The following GPATCH1 variants were observed in gnomAD, a reference collection of about 807,000 sequenced individuals.
GPATCH1 encodes the protein G-patch domain containing 1.
A neutral mutation model predicts 114.9 loss-of-function variants in GPATCH1; 73 were observed. That is an observed-to-expected ratio of 0.64 (90% CI 0.53 to 0.77). GPATCH1 has a LOEUF of 0.77. Ranked by LOEUF, GPATCH1 falls within the 30% of genes least tolerant of loss-of-function variation. The pLI is 0.00. For synonymous variants in GPATCH1, 391 were observed against 428.4 expected (o/e 0.91, Z 1.08); for missense variants, 1,058 against 1,144.3 (o/e 0.92, Z 1.09).
At chr19:33,106,999 T>G in intron 10 of GPATCH1, 100 bp downstream of exon 10, 2 of 846,710 alleles carry the variant, frequency 2.4e-6, no homozygotes, top group Admixed American at 2.2e-5. Flanking sequence ...TTTACATGAA[T>G]TTGTATTCCC....
At chr19:33,118,172 T>C (rs767826545) in intron 16 of GPATCH1, 131 bp downstream of exon 16, 1 of 460,378 alleles carries the variant, frequency 2.2e-6, no homozygotes, top group East Asian at 3.7e-5. Flanking sequence ...TTTATATGTA[T>C]ATAATTTTTT....
intron 9 of GPATCH1, among the ~76,000 whole-genome samples, chr19:33,103,665 C>T (rs1325407980): frequency 6.7e-6 from 1 of 150,272 alleles, no homozygotes; most frequent in Non-Finnish European, 1.5e-5. Context: ...TGTGCCACTG[C>T]ACGTCTAGCC....
chr19:33,114,137 A>C, intron 14 of GPATCH1, 116 bp from the exon 15 acceptor site: 1 of 1,042,254 alleles, frequency 9.6e-7, no homozygotes, highest in Non-Finnish European at 1.5e-6. Flanking sequence ...AGGACCCTAC[A>C]CAGTGCCAGG....
Position 33,113,777 on chromosome 19 carries a change from G to A in GPATCH1, c.1903G>A (p.Val635Ile). ...VPDPYPDSTL[V>I]GLPRVKRDKY... ...TTTTTCAATTCCCAGTTCAACTTTA[G>A]TTGGCTTACCAAGAGTGAAGCGTGA... Residue 635 changes from valine (V) to isoleucine (I), a missense_variant, in exon 14 of 20, where the codon GTT becomes ATT. By Grantham distance (29) the Val-to-Ile change is conservative. Coordinates refer to ENST00000170564, the MANE Select transcript of GPATCH1 (RefSeq NM_018025.3). 1 of 1,613,628 alleles carries A rather than the reference G, an allele frequency of 6.2e-7. No homozygotes were observed. The highest frequency in any genetic ancestry group is 8.5e-7 in the Non-Finnish European group (1 of 1,179,748).
intron 4 of GPATCH1, among the ~76,000 whole-genome samples, 196 bp downstream of exon 4, chr19:33,093,715 T>G (rs576708370): frequency 2.6e-4 from 40 of 152,308 alleles, no homozygotes; most frequent in Admixed American, 2.2e-3. Flanking sequence ...CCACTAGCTG[T>G]GCTGCTGGGG....
intron 1 of GPATCH1, among the ~76,000 whole-genome samples, chr19:33,082,223 A>T (rs769662797): frequency 2.6e-5 from 4 of 152,118 alleles, no homozygotes; most frequent in African/African-American, 4.8e-5. Context: ...GGCAAGATGA[A>T]TCAAGGTTCT....
intron 17 of GPATCH1, among the ~76,000 whole-genome samples, chr19:33,121,451 C>G (rs1972984137): frequency 6.6e-6 from 1 of 151,742 alleles, no homozygotes; most frequent in Non-Finnish European, 1.5e-5. Context: ...TCCCAAGTAG[C>G]TGGGATTACA....
chr19:33,103,499 G>A (rs932398103), intron 9 of GPATCH1, among the ~76,000 whole-genome samples: 20 of 152,084 alleles, frequency 1.3e-4, no homozygotes, highest in Admixed American at 3.9e-4. Context: ...TCAGGAGTTC[G>A]AGACCAACCT....
intron 17 of GPATCH1, among the ~76,000 whole-genome samples, chr19:33,120,244 T>C (rs1028237074): frequency 3.2e-5 from 3 of 92,368 alleles, no homozygotes; most frequent in African/African-American, 1.9e-4. Context: ...TAAATTTTAA[T>C]ATATTTTTAT....
Position 33,126,577 on chromosome 19 carries a change from G to GT in GPATCH1, c.2620-5dup. ...CATTTGTTTTCCCCCACCACTATTT[G>GT]TTTTTTACAGAAAAAGAAACACAGG... On this transcript the variant is annotated splice_polypyrimidine_tract_variant and intron_variant, in intron 18 of 19. Coordinates refer to ENST00000170564, the MANE Select transcript of GPATCH1 (RefSeq NM_018025.3). 1 of 1,611,360 alleles carries GT rather than the reference G, an allele frequency of 6.2e-7. No individual in the cohort carries two copies. Among genetic ancestry groups the GT allele is most frequent in the South Asian group, 1.1e-5 (1 of 90,736 alleles).
Position 33,097,859 on chromosome 19 carries a change from A to T in GPATCH1, c.957A>T (p.Gly319=). The change falls in exon 8 of 20, where the codon GGA becomes GGT. Residue 319 remains glycine, a synonymous_variant. Transcript: ENST00000170564. ...TVLKDEEPGD[G]LYGWTAPRQY... ...TGAAGGACGAGGAGCCTGGAGACGG[A>T]CTCTATGGCTGGACAGCACCCAGGC... is the stretch of plus-strand genomic sequence containing the variant. The T allele has an allele frequency of 6.2e-7, 1 of 1,613,970 alleles. No individual in the cohort carries two copies.
intron 15 of GPATCH1, among the ~76,000 whole-genome samples, chr19:33,114,622 A>C (rs1205180924): frequency 6.6e-6 from 1 of 152,176 alleles, no homozygotes; most frequent in Non-Finnish European, 1.5e-5. Flanking sequence ...TTTTGTGTGA[A>C]TATAAGTTTT....
At chr19:33,119,170 G>A in intron 17 of GPATCH1, 53 bp downstream of exon 17, 1 of 957,678 alleles carries the variant, frequency 1.0e-6, no homozygotes, top group Non-Finnish European at 1.6e-6. Context: ...TGATTGCCCT[G>A]AGATGGGGAC....
chr19:33,128,332 C>T (rs1973066033), intron 19 of GPATCH1, among the ~76,000 whole-genome samples: 1 of 152,192 alleles, frequency 6.6e-6, no homozygotes, highest in South Asian at 2.1e-4. Context: ...GCGATCTTGG[C>T]TCACTGCAAG....
In GPATCH1 at chr19:33,112,005, G is replaced by A. The variant is rs567620311; in HGVS notation, c.1764+103G>A. On this transcript the variant is annotated intron_variant, in intron 12 of 19. Transcript: ENST00000170564. ...TTTTGAGACGGAGTCTCTCTCTGTC[G>A]CCCAGGCTAGAGTGCAGTGGTGTGA... 1.3e-3 allele frequency: 1,133 copies of A among 863,954 alleles called. 2 individuals carry two copies. The highest frequency in any genetic ancestry group is 2.5e-3 in the Middle Eastern group (8 of 3,174). 53.5% of individuals were successfully genotyped at this position (863,954 alleles called of 1,614,324 possible).
intron 9 of GPATCH1, among the ~76,000 whole-genome samples, chr19:33,105,971 C>T (rs899668621): frequency 2.0e-5 from 3 of 151,490 alleles, no homozygotes; most frequent in Non-Finnish European, 4.4e-5. Flanking sequence ...CCTCAGCACC[C>T]CCGAGTAGCT....
chr19:33,118,081 A>G (rs750103135), intron 16 of GPATCH1, 40 bp downstream of exon 16: 5 of 1,364,856 alleles, frequency 3.7e-6, no homozygotes, highest in Admixed American at 1.7e-5. Flanking sequence ...AAAGGAGAAG[A>G]CAATGACTCT....
At chr19:33,117,014 G>A (rs929356775) in intron 15 of GPATCH1, among the ~76,000 whole-genome samples, 2 of 151,936 alleles carry the variant, frequency 1.3e-5, no homozygotes, top group Admixed American at 6.6e-5. Context: ...GGGCAACATC[G>A]TGAGACCCCA....
intron 1 of GPATCH1, among the ~76,000 whole-genome samples, chr19:33,085,338 C>T (rs1972524734): frequency 6.6e-6 from 1 of 151,964 alleles, no homozygotes; most frequent in Admixed American, 6.6e-5. Context: ...CAGCACCCCC[C>T]AGCCCCCAGT....
Sources: allele counts gnomAD v4.1 joint callset (sites outside exome capture counted in the v4.1 genomes callset), GRCh38; gene constraint gnomAD v4.1.1; transcripts MANE v1.5; gene names NCBI Gene and HGNC (gene_info 2026-07-23, HGNC 2026-07-21).